The following USB1 variants were observed in gnomAD, a reference collection of about 807,000 sequenced individuals.
USB1 encodes U6 snRNA biogenesis phosphodiesterase 1.
In USB1, 21 loss-of-function variants were observed where a neutral mutation model predicts 29.9. That is an observed-to-expected ratio of 0.70 (90% CI 0.50 to 1.01). The LOEUF (loss-of-function observed/expected upper bound fraction) is 1.01, where lower values mean the gene tolerates loss of function less well. USB1 is among the 50% of genes least tolerant of loss of function. USB1 has a pLI of 0.00. For synonymous variants in USB1, 143 were observed against 134.9 expected, an observed-to-expected ratio of 1.06 and a Z score of -0.42; for missense variants, 330 against 347.1, an observed-to-expected ratio of 0.95 and a Z score of 0.39.
chr16:58,012,186 T>C, intron 3 of USB1: 1 of 1,473,016 alleles, frequency 6.8e-7, no homozygotes, highest in South Asian at 1.4e-5. Context: ...GAGGACAGGA[T>C]TTGTCCCAAT....
chr16:58,001,166 G>C (rs1963174034), upstream of USB1, among the ~76,000 whole-genome samples: 1 of 152,162 alleles, frequency 6.6e-6, no homozygotes, highest in Non-Finnish European at 1.5e-5. Flanking sequence ...TCTGGTCCCG[G>C]GTGGCTGCAG....
chr16:58,008,432 A>G (rs1318567062), intron 2 of USB1, among the ~76,000 whole-genome samples: 1 of 148,604 alleles, frequency 6.7e-6, no homozygotes, highest in Non-Finnish European at 1.5e-5. Context: ...CAGATGATTG[A>G]CTTTAGATCT....
At chr16:58,005,449 T>C (rs1439494557) in intron 2 of USB1, among the ~76,000 whole-genome samples, 1 of 152,232 alleles carries the variant, frequency 6.6e-6, no homozygotes, top group Non-Finnish European at 1.5e-5. Flanking sequence ...CTGGTGGCCC[T>C]GTCCGGGCAT....
At chr16:58,005,477 CT>C (rs1177510742) in intron 2 of USB1, among the ~76,000 whole-genome samples, 2 of 152,234 alleles carry the variant, frequency 1.3e-5, no homozygotes, top group Admixed American at 6.5e-5. Context: ...GGCTCGCACT[CT>C]TGTCTTCTGG....
chr16:58,018,057 G>A (rs1963658746), intron 5 of USB1, among the ~76,000 whole-genome samples: 1 of 152,162 alleles, frequency 6.6e-6, no homozygotes, highest in South Asian at 2.1e-4. Context: ...TGTCACAGAT[G>A]TAATGACCCT....
chr16:58,004,349 C>T (rs538045037), intron 2 of USB1, among the ~76,000 whole-genome samples: 1 of 152,310 alleles, frequency 6.6e-6, no homozygotes, highest in East Asian at 1.9e-4. Context: ...ATTGCTGTAA[C>T]TTTACATAGT....
At position 58,020,199 on chromosome 16, in the gene USB1, T is replaced by TC; in HGVS notation, c.754dup (p.Arg252ProfsTer67). The TC allele has an allele frequency of 6.2e-7, 1 of 1,614,162 alleles. No individual in the cohort carries two copies. The highest frequency in any genetic ancestry group is 1.3e-5 in the African/African-American group (1 of 75,014). On this transcript the variant is annotated frameshift_variant, in exon 7 of 7. Coordinates refer to ENST00000219281, the MANE Select transcript of USB1 (RefSeq NM_024598.4). LOFTEE classifies it high-confidence loss of function. ...CTGCTGCGCGTGCACACTGAGCAAG[T>TC]CCGCTGCAAGTCTGGGAACAAGTTC...
chr16:58,005,609 T>A (rs8046913), intron 2 of USB1, among the ~76,000 whole-genome samples: 105,334 of 151,470 alleles, frequency 0.7, 37,120 homozygotes, highest in African/African-American at 0.78. Context: ...AAACTAATGA[T>A]TAATAATATT....
At chr16:58,002,338 T>A in intron 1 of USB1, 141 bp from the exon 2 acceptor site, 1 of 1,347,658 alleles carries the variant, frequency 7.4e-7, no homozygotes, top group Non-Finnish European at 1.0e-6. Flanking sequence ...AATTTCGCTA[T>A]CTAGAAGCTG....
chr16:58,002,632 C>T lies in USB1; in HGVS notation c.252C>T (p.His84=), dbSNP rs147246452. The part of the protein sequence containing the change: ...FPHERGNWAT[H]VYVPYEAKEE... ...ACGAGCGAGGCAACTGGGCCACCCA[C>T]GTCTATGTACCATGTGAGTGATGTG... Residue 84 remains histidine, a synonymous_variant, in exon 2 of 7, where the codon CAC becomes CAT. Coordinates refer to ENST00000219281, the MANE Select transcript of USB1 (RefSeq NM_024598.4). The T allele has an allele frequency of 1.1e-5, 17 of 1,613,726 alleles. No individual in the cohort carries two copies. The African/African-American group carries it at 1.1e-4, about 10-fold the overall frequency.
intron 3 of USB1, chr16:58,012,641 G>T (rs949712165): frequency 7.7e-7 from 1 of 1,292,012 alleles, no homozygotes; most frequent in African/African-American, 1.5e-5. Context: ...CCCGTCTCCT[G>T]TGTGCTTTCT....
chr16:58,005,694 C>T (rs1567417923), intron 2 of USB1, among the ~76,000 whole-genome samples: 1 of 152,146 alleles, frequency 6.6e-6, no homozygotes, highest in African/African-American at 2.4e-5. Flanking sequence ...ACTGGAACAA[C>T]TCGTGCCCTC....
chr16:58,004,619 C>T (rs983446343), intron 2 of USB1, among the ~76,000 whole-genome samples: 1 of 152,090 alleles, frequency 6.6e-6, no homozygotes, highest in East Asian at 1.9e-4. Context: ...CCTTAGAATC[C>T]GTTTGTCAGT....
chr16:58,005,727 A>G lies in USB1; in HGVS notation c.265+3082A>G, dbSNP rs1963335525. 2.6e-5 allele frequency among the ~76,000 whole-genome samples: 4 copies of G among 152,266 alleles called. No homozygotes were observed. The South Asian group carries it at 8.3e-4, about 32-fold the overall frequency. ...CTCGGTCTCTTGCCTCGGCACCTGG[A>G]TGGCTTGCCACCCACAACATCTCTC... On this transcript the variant is annotated intron_variant, in intron 2 of 6. Coordinates refer to ENST00000219281, the MANE Select transcript of USB1 (RefSeq NM_024598.4).
Position 58,001,525 on chromosome 16 carries a change from C to A in USB1, c.42C>A (p.Ser14=), listed in dbSNP as rs3743559. 0.075 allele frequency: 120,727 copies of A among 1,608,316 alleles called. 5,089 individuals carry two copies. Among genetic ancestry groups the A allele is most frequent in the South Asian group, 0.084 (7,540 of 90,150 alleles). Residue 14 remains serine, a synonymous_variant, in exon 1 of 7, where the codon TCC becomes TCA. Coordinates refer to ENST00000219281, the MANE Select transcript of USB1 (RefSeq NM_024598.4). ...TGGTGGGCTACAGCAGCAGCGGCTC[C>A]GAGGATGAGTCCGAGGACGGGATGC... The part of the protein sequence containing the change: ...APLVGYSSSG[S]EDESEDGMRT...
chr16:58,009,841 G>C lies in USB1; in HGVS notation c.266-88G>C, dbSNP rs943905215. The C allele has an allele frequency of 6.0e-6, 9 of 1,508,708 alleles. No individual in the cohort carries two copies. The Admixed American group carries it at 1.5e-4, about 25-fold the overall frequency. The allele number at this position is 1,508,708 out of a possible 1,614,324, so 93.5% of individuals were successfully genotyped here. A position where few individuals can be genotyped will look rare whatever the true frequency, so the allele number is the denominator to read the frequency against. ...TTTCTCCCCAAACCCAGAGTAATAA[G>C]GACTTCCCTCTGCCTTCTGGGCTTC... is the stretch of plus-strand genomic sequence containing the variant. On this transcript the variant is annotated intron_variant, in intron 2 of 6. Coordinates refer to ENST00000219281, the MANE Select transcript of USB1 (RefSeq NM_024598.4).
intron 4 of USB1, chr16:58,015,844 AGT>A (rs1482887340): frequency 6.6e-6 from 1 of 152,296 alleles, no homozygotes; most frequent in Non-Finnish European, 1.5e-5. Context: ...TGAGGAGGCC[AGT>A]GAGGCAGACC....
rs971879232 is a variant in USB1, at chr16:58,012,909, T to C, written c.450-1364T>C. 4 of 986,654 alleles carry C rather than the reference T, an allele frequency of 4.1e-6. No individual in the cohort carries two copies. The African/African-American group carries it at 7.0e-5, about 17-fold the overall frequency. 61.1% of individuals were successfully genotyped at this position (986,654 alleles called of 1,614,324 possible). Reference sequence around the variant, plus strand: ...TTAGGAAAACTCTGCCTAAAGTCCATTGCAAGAAATACTGATCCCTGTGGG... The same window carrying C: ...TTAGGAAAACTCTGCCTAAAGTCCACTGCAAGAAATACTGATCCCTGTGGG... On this transcript the variant is annotated intron_variant, in intron 3 of 6. Transcript: ENST00000219281.
chr16:58,000,989 T>G (rs944145569), upstream of USB1, among the ~76,000 whole-genome samples: 5 of 152,122 alleles, frequency 3.3e-5, no homozygotes, highest in Non-Finnish European at 5.9e-5. The surrounding 1 kb of genome is among the most constrained non-coding windows in gnomAD (Gnocchi z 4.5). Flanking sequence ...GGCTCTGGTC[T>G]GCCACAATTG....
Sources: allele counts gnomAD v4.1 joint callset (sites outside exome capture counted in the v4.1 genomes callset), GRCh38; gene constraint gnomAD v4.1.1; non-coding constraint Gnocchi (gnomAD v3.1); transcripts MANE v1.5; gene names NCBI Gene and HGNC (gene_info 2026-07-23, HGNC 2026-07-21).